The following MRAP2 variants were observed in gnomAD, a reference collection of about 807,000 sequenced individuals.
The protein encoded by MRAP2 is melanocortin-2 receptor accessory protein 2.
MRAP2 carries 20 observed loss-of-function variants against 17.4 expected under a neutral mutation model. That is an observed-to-expected ratio of 1.15 (90% CI 0.81 to 1.67). The LOEUF is 1.67. Among genes scored for constraint, MRAP2 ranks in the 40% most tolerant of loss-of-function variants. The probability of loss-of-function intolerance (pLI) is 0.00; values close to 1 mark genes in which losing one functional copy is unlikely to be tolerated. For synonymous variants in MRAP2, 96 were observed against 88.4 expected (o/e 1.09, Z -0.48); for missense variants, 238 against 240.0 (o/e 0.99, Z 0.05).
intron 2 of MRAP2, chr6:84,061,868 T>C (rs1372225831): frequency 4.0e-5 from 39 of 985,346 alleles, no homozygotes; most frequent in Non-Finnish European, 4.6e-5. Context: ...GGAATCTCTT[T>C]TACTCTGGAA....
chr6:84,130,216 C>T, the MRAP2 span, among the ~76,000 whole-genome samples: 1 of 152,182 alleles, frequency 6.6e-6, no homozygotes, highest in African/African-American at 2.4e-5. Context: ...CTGACTTGAT[C>T]ATGGTGGATA....
intron 3 of MRAP2, among the ~76,000 whole-genome samples, chr6:84,065,373 C>T (rs1177851402): frequency 6.6e-6 from 1 of 152,090 alleles, no homozygotes. Context: ...GGCTGAGAAT[C>T]TATTTAACAA....
At chr6:84,134,219 G>C in the MRAP2 span, among the ~76,000 whole-genome samples, 1 of 152,284 alleles carries the variant, frequency 6.6e-6, no homozygotes, top group East Asian at 1.9e-4. Context: ...CACCAAGCTT[G>C]AGCATCCCAG....
chr6:84,074,033 G>A (rs1184456643), intron 3 of MRAP2, among the ~76,000 whole-genome samples: 1 of 152,020 alleles, frequency 6.6e-6, no homozygotes, highest in African/African-American at 2.4e-5. Context: ...GCAGACTGTG[G>A]AGCTTCTTGC....
In MRAP2 at chr6:84,062,904, A is replaced by G; in HGVS notation, c.139A>G (p.Ile47Val). Residue 47 changes from isoleucine to valine, a missense_variant, in exon 3 of 4, where the codon ATT becomes GTT. Physicochemically the swap from Ile to Val is conservative, Grantham distance 29. Transcript: ENST00000257776. ...TAACTGTCTTTCAGATTCCATTGTGATTGGATTTTGGGTTGGTCTTGCAGT... is the reference window on the plus strand; with the variant it reads ...TAACTGTCTTTCAGATTCCATTGTGGTTGGATTTTGGGTTGGTCTTGCAGT... ...GLKAHKYSIV[I>V]GFWVGLAVFV... 6.2e-7 allele frequency: 1 copy of G among 1,614,080 alleles called. No individual in the cohort carries two copies. The highest frequency in any genetic ancestry group is 1.1e-5 in the South Asian group (1 of 91,082).
chr6:84,086,676 A>G (rs1350213079), intron 3 of MRAP2, among the ~76,000 whole-genome samples: 2 of 152,154 alleles, frequency 1.3e-5, no homozygotes, highest in Admixed American at 6.6e-5. Context: ...CCAAGGGATC[A>G]TCGGGAGGAA....
chr6:84,080,441 G>A (rs2497141), intron 3 of MRAP2, among the ~76,000 whole-genome samples: 49,569 of 151,984 alleles, frequency 0.33, 10,636 homozygotes, highest in African/African-American at 0.62. Context: ...GAATCATCCC[G>A]TAGTTAAATT....
At chr6:84,116,916 G>T in the MRAP2 span, among the ~76,000 whole-genome samples, 14 of 152,042 alleles carry the variant, frequency 9.2e-5, no homozygotes, top group African/African-American at 3.1e-4. Flanking sequence ...TTTTTGCATC[G>T]ATGTTCATCA....
chr6:84,076,504 G>A (rs1455248517), intron 3 of MRAP2, among the ~76,000 whole-genome samples: 18 of 152,028 alleles, frequency 1.2e-4, no homozygotes, highest in African/African-American at 4.3e-4. Flanking sequence ...GATTACAGGT[G>A]TGAGCCACTG....
the MRAP2 span, among the ~76,000 whole-genome samples, chr6:84,132,756 C>T: frequency 6.6e-6 from 1 of 152,066 alleles, no homozygotes; most frequent in Non-Finnish European, 1.5e-5. Context: ...ACTCTTTTTT[C>T]AAGGTTTTTA....
chr6:84,054,050 G>A (rs1418892609), intron 1 of MRAP2, among the ~76,000 whole-genome samples: 6 of 152,084 alleles, frequency 3.9e-5, no homozygotes, highest in African/African-American at 1.4e-4. Flanking sequence ...GGATGCGGGC[G>A]AAAGAAACCT....
chr6:84,099,942 A>T, the MRAP2 span, among the ~76,000 whole-genome samples: 1 of 149,990 alleles, frequency 6.7e-6, no homozygotes, highest in Non-Finnish European at 1.5e-5. Flanking sequence ...CTCATTGCAA[A>T]CTCCACCTCT....
At chr6:84,043,253 A>T (rs927075050) in intron 1 of MRAP2, among the ~76,000 whole-genome samples, 2 of 152,212 alleles carry the variant, frequency 1.3e-5, no homozygotes, top group Admixed American at 6.5e-5. Flanking sequence ...AATAGCAGCT[A>T]TATAAAACAG....
At chr6:84,126,203 G>GATTT in the MRAP2 span, among the ~76,000 whole-genome samples, 1 of 151,914 alleles carries the variant, frequency 6.6e-6, no homozygotes. Context: ...AAGCACTTGA[G>GATTT]ATATAAAGTC....
At chr6:84,054,849 T>C (rs2099491307) in intron 1 of MRAP2, among the ~76,000 whole-genome samples, 1 of 152,122 alleles carries the variant, frequency 6.6e-6, no homozygotes, top group East Asian at 1.9e-4. Context: ...AAAATTCCCT[T>C]ATAGGGGAAC....
At chr6:84,051,462 C>G (rs897843140) in intron 1 of MRAP2, among the ~76,000 whole-genome samples, 1 of 152,108 alleles carries the variant, frequency 6.6e-6, no homozygotes, top group Non-Finnish European at 1.5e-5. Context: ...GAGGCTGAGG[C>G]GGGAGAATCA....
At chr6:84,107,528 A>C in the MRAP2 span, among the ~76,000 whole-genome samples, 1 of 152,206 alleles carries the variant, frequency 6.6e-6, no homozygotes, top group Non-Finnish European at 1.5e-5. Flanking sequence ...GAAATGGAAC[A>C]ATGTGATACC....
chr6:84,084,388 G>A (rs1467613616), intron 3 of MRAP2, among the ~76,000 whole-genome samples: 2 of 152,092 alleles, frequency 1.3e-5, no homozygotes, highest in Admixed American at 6.5e-5. Context: ...TGTTTGATCT[G>A]AGAGGCTAAC....
At chr6:84,118,758 G>A in the MRAP2 span, among the ~76,000 whole-genome samples, 1 of 152,216 alleles carries the variant, frequency 6.6e-6, no homozygotes, top group African/African-American at 2.4e-5. Flanking sequence ...TGGGCCTGCA[G>A]ACTGACGCTG....
Sources: allele counts gnomAD v4.1 joint callset (sites outside exome capture counted in the v4.1 genomes callset), GRCh38; gene constraint gnomAD v4.1.1; transcripts MANE v1.5; gene names NCBI Gene and HGNC (gene_info 2026-07-23, HGNC 2026-07-21).